CAST: variants seen among roughly 807,000 people sequenced by gnomAD.
The protein encoded by CAST is MIR583 host.
A neutral mutation model predicts 119.6 loss-of-function variants in CAST; 76 were observed. That is an observed-to-expected ratio of 0.64 (90% CI 0.53 to 0.77). The LOEUF (loss-of-function observed/expected upper bound fraction) is 0.77. CAST is among the 30% of genes least tolerant of loss of function. CAST has a pLI of 0.00. For missense variants in CAST, 953 were observed against 946.5 expected (o/e 1.01, Z -0.09); for synonymous variants, 319 against 331.6 (o/e 0.96, Z 0.41).
chr5:96,572,397 C>T (rs1422003502), intron 1 of CAST, among the ~76,000 whole-genome samples: 3 of 152,228 alleles, frequency 2.0e-5, no homozygotes, highest in African/African-American at 2.4e-5. Context: ...GACGGGGTTT[C>T]GCCATGTTGG....
the CAST span, among the ~76,000 whole-genome samples, chr5:96,325,231 T>C: frequency 6.6e-6 from 1 of 151,960 alleles, no homozygotes; most frequent in Non-Finnish European, 1.5e-5. Context: ...AAATGGTTGA[T>C]TGGTAGGAAA....
chr5:96,558,412 T>C (rs1160200128), intron 1 of CAST, among the ~76,000 whole-genome samples: 1 of 151,890 alleles, frequency 6.6e-6, no homozygotes, highest in Non-Finnish European at 1.5e-5. Flanking sequence ...AATCAGTGAA[T>C]CCAGGAGCTG....
the CAST span, among the ~76,000 whole-genome samples, chr5:96,190,831 C>T: frequency 6.6e-6 from 1 of 152,054 alleles, no homozygotes; most frequent in Admixed American, 6.5e-5. Flanking sequence ...GATCCTGTCA[C>T]CCAGGTACTG....
At chr5:96,363,121 G>A in the CAST span, among the ~76,000 whole-genome samples, 5,741 of 146,152 alleles carry the variant, frequency 0.039, 341 homozygotes, top group African/African-American at 0.13. Context: ...TTTTTGTCAG[G>A]TTTGTCAAAG....
At chr5:96,041,778 G>A in the CAST span, among the ~76,000 whole-genome samples, 4 of 152,016 alleles carry the variant, frequency 2.6e-5, no homozygotes, top group African/African-American at 9.7e-5. Flanking sequence ...TGAATAGTAG[G>A]AGGCATGGTT....
chr5:96,325,770 G>A, the CAST span, among the ~76,000 whole-genome samples: 3,785 of 152,180 alleles, frequency 0.025, 169 homozygotes, highest in African/African-American at 0.086. Context: ...GTGAGCCACC[G>A]CACCCAGCCT....
the CAST span, among the ~76,000 whole-genome samples, chr5:96,211,027 A>G: frequency 6.6e-6 from 1 of 152,060 alleles, no homozygotes; most frequent in African/African-American, 2.4e-5. Flanking sequence ...CTATCCTATG[A>G]CCTTGTTGAA....
intron 19 of CAST, 167 bp downstream of exon 19, chr5:96,748,780 C>G: frequency 1.9e-6 from 1 of 533,672 alleles, no homozygotes; most frequent in Non-Finnish European, 3.4e-6. Flanking sequence ...CTGCCCCAAC[C>G]TAACCCTGAT....
At chr5:96,584,691 G>A (rs1304354080) in intron 1 of CAST, 2 of 125,426 alleles carry the variant, frequency 1.6e-5, no homozygotes, top group African/African-American at 5.4e-5. Context: ...AAGAAGCTGG[G>A]GTCATTAGAA....
the CAST span, among the ~76,000 whole-genome samples, chr5:95,969,599 G>C: frequency 6.6e-6 from 1 of 152,094 alleles, no homozygotes; most frequent in Non-Finnish European, 1.5e-5. Context: ...TGGGAATGGA[G>C]AAAAGGAGAA....
chr5:96,118,519 G>T, the CAST span, among the ~76,000 whole-genome samples: 1 of 152,028 alleles, frequency 6.6e-6, no homozygotes, highest in African/African-American at 2.4e-5. Context: ...TTGTTGTCTG[G>T]ATTAGGTCAC....
At chr5:96,556,586 A>T (rs964681558) in intron 1 of CAST, among the ~76,000 whole-genome samples, 1 of 152,240 alleles carries the variant, frequency 6.6e-6, no homozygotes, top group Admixed American at 6.5e-5. Context: ...AGCCTATTTG[A>T]TCAACTGGAA....
intron 1 of CAST, among the ~76,000 whole-genome samples, chr5:96,668,247 G>A (rs1749596591): frequency 6.6e-6 from 1 of 152,104 alleles, no homozygotes. Flanking sequence ...GTAGTTTGTT[G>A]GGAAAATGAA....
At chr5:96,543,652 A>G (rs1745956396) in intron 1 of CAST, among the ~76,000 whole-genome samples, 1 of 152,180 alleles carries the variant, frequency 6.6e-6, no homozygotes, top group African/African-American at 2.4e-5. Flanking sequence ...GGTGTATGTA[A>G]AAATTTATTG....
At chr5:96,268,034 G>A in the CAST span, among the ~76,000 whole-genome samples, 3 of 152,010 alleles carry the variant, frequency 2.0e-5, no homozygotes, top group African/African-American at 7.3e-5. Context: ...TCTATAAGAT[G>A]TCTTTTTGTA....
In CAST at chr5:96,675,541, T is replaced by C. The variant is rs754501776; in HGVS notation, c.78T>C (p.His26=). ...RAAAARRTHE[H]VSEKTSESPS... ...CATTATTTTTTACTTTTTTATAGCATGTCAGTGAAAAAACCAGTGAATCGC... is the reference window on the plus strand; with the variant it reads ...CATTATTTTTTACTTTTTTATAGCACGTCAGTGAAAAAACCAGTGAATCGC... The change falls in exon 2 of 32, where the codon CAT becomes CAC. Residue 26 remains histidine, a splice_region_variant and synonymous_variant. Coordinates refer to ENST00000675179, the MANE Select transcript of CAST (RefSeq NM_001750.7). 6.8e-6 allele frequency: 11 copies of C among 1,611,052 alleles called. No homozygotes were observed. Among genetic ancestry groups the C allele is most frequent in the Middle Eastern group, 1.6e-4 (1 of 6,078 alleles).
chr5:96,077,546 G>A, the CAST span, among the ~76,000 whole-genome samples: 11 of 152,192 alleles, frequency 7.2e-5, no homozygotes, highest in African/African-American at 2.2e-4. Flanking sequence ...TTGTGGGGCT[G>A]CTTAGGTCAT....
chr5:96,008,345 A>T, the CAST span, among the ~76,000 whole-genome samples: 1 of 152,206 alleles, frequency 6.6e-6, no homozygotes, highest in African/African-American at 2.4e-5. Flanking sequence ...ATCCAAAAAT[A>T]TATGATTTTT....
intron 1 of CAST, among the ~76,000 whole-genome samples, chr5:96,557,467 A>G (rs1370913361): frequency 1.3e-5 from 2 of 151,946 alleles, no homozygotes; most frequent in Non-Finnish European, 2.9e-5. Context: ...GGAAACCCAT[A>G]TCATGTGCCG....
Sources: allele counts gnomAD v4.1 joint callset (sites outside exome capture counted in the v4.1 genomes callset), GRCh38; gene constraint gnomAD v4.1.1; transcripts MANE v1.5; gene names NCBI Gene and HGNC (gene_info 2026-07-23, HGNC 2026-07-21).